Variants in FRMD4A observed in about 807,000 individuals in gnomAD.
FRMD4A encodes the protein FERM domain-containing protein 4A.
A neutral mutation model predicts 129.1 loss-of-function variants in FRMD4A; 29 were observed. The observed-to-expected ratio is 0.22, with a 90% CI of 0.17 to 0.31. The LOEUF is 0.31. Among genes scored for constraint, FRMD4A ranks in the 10% least tolerant of loss-of-function variants. The pLI is 1.00. For missense variants in FRMD4A, 1,272 were observed against 1,375.8 expected, an observed-to-expected ratio of 0.92 and a Z score of 1.19; for synonymous variants, 634 against 571.6, an observed-to-expected ratio of 1.11 and a Z score of -1.56.
At chr10:13,827,042 A>G (rs1216965482) in intron 3 of FRMD4A, among the ~76,000 whole-genome samples, 2 of 152,214 alleles carry the variant, frequency 1.3e-5, no homozygotes, top group Non-Finnish European at 2.9e-5. Context: ...ACGGAATTCA[A>G]AATAGCACAG....
At chr10:14,024,060 T>C (rs1005181656) in intron 2 of FRMD4A, among the ~76,000 whole-genome samples, 3 of 152,250 alleles carry the variant, frequency 2.0e-5, no homozygotes, top group South Asian at 4.1e-4. Flanking sequence ...TGATCTCTTC[T>C]GGCAAATGGT....
chr10:14,100,031 G>A (rs1195524542), intron 2 of FRMD4A, among the ~76,000 whole-genome samples: 1 of 152,196 alleles, frequency 6.6e-6, no homozygotes, highest in Non-Finnish European at 1.5e-5. Context: ...GTACAGCACA[G>A]ATCTCTGGTT....
intron 6 of FRMD4A, among the ~76,000 whole-genome samples, chr10:13,772,073 C>T (rs970331336): frequency 6.7e-6 from 1 of 149,760 alleles, no homozygotes; most frequent in Non-Finnish European, 1.5e-5. Flanking sequence ...GCTGAGATCA[C>T]GTCACCGCAC....
At chr10:13,708,646 T>C (rs546245864) in intron 12 of FRMD4A, among the ~76,000 whole-genome samples, 1 of 152,372 alleles carries the variant, frequency 6.6e-6, no homozygotes, top group South Asian at 2.1e-4. Context: ...CAAAGCTCTA[T>C]GTTGGCTGAC....
At chr10:14,203,399 A>AT (rs1842695104) in intron 2 of FRMD4A, among the ~76,000 whole-genome samples, 1 of 152,190 alleles carries the variant, frequency 6.6e-6, no homozygotes, top group Admixed American at 6.5e-5. Context: ...TGTTTTTGCA[A>AT]TATCACACTC....
intron 2 of FRMD4A, among the ~76,000 whole-genome samples, chr10:14,224,531 C>G (rs892984992): frequency 2.0e-5 from 3 of 152,206 alleles, no homozygotes; most frequent in Non-Finnish European, 4.4e-5. Context: ...ACCAGGGAAG[C>G]ATTTTGGACA....
intron 2 of FRMD4A, among the ~76,000 whole-genome samples, chr10:13,933,577 A>T (rs1210907824): frequency 6.6e-6 from 1 of 152,238 alleles, no homozygotes; most frequent in African/African-American, 2.4e-5. Context: ...TTTGTCCGTG[A>T]CAGGGGTCAC....
intron 13 of FRMD4A, among the ~76,000 whole-genome samples, chr10:13,704,200 C>T (rs1467698663): frequency 1.3e-5 from 2 of 152,296 alleles, no homozygotes; most frequent in South Asian, 2.1e-4. Context: ...CAAGAAAGAT[C>T]TTACAGCTCA....
Position 13,982,048 on chromosome 10 carries a change from G to A in FRMD4A, c.46-123136C>T, listed in dbSNP as rs75489694. Among the ~76,000 whole-genome samples the A allele has an allele frequency of 2.7e-3, 406 of 152,228 alleles. 1 individual carries two copies. The highest frequency in any genetic ancestry group is 4.7e-3 in the Non-Finnish European group (319 of 68,014). ...TCTCTGGCCCCTCATCCTCCCACAG[G>A]CGTAGCCATACAAACTAGAATCCCT... On this transcript the variant is annotated intron_variant, in intron 2 of 24. Transcript: ENST00000357447.
At chr10:14,109,512 C>T (rs1564299618) in intron 2 of FRMD4A, among the ~76,000 whole-genome samples, 1 of 152,166 alleles carries the variant, frequency 6.6e-6, no homozygotes, top group Non-Finnish European at 1.5e-5. Flanking sequence ...TTGCTGTCAT[C>T]CCCTGCACTT....
At chr10:14,239,979 C>T (rs1843983067) in intron 2 of FRMD4A, among the ~76,000 whole-genome samples, 2 of 152,156 alleles carry the variant, frequency 1.3e-5, no homozygotes, top group South Asian at 4.1e-4. Context: ...TCAGAAAGTG[C>T]ATTACATCAT....
chr10:13,651,737 TAAGAACCTTCAGCTAAA>T, intron 24 of FRMD4A, 149 bp downstream of exon 24: 1 of 618,108 alleles, frequency 1.6e-6, no homozygotes. Context: ...AATTTTGATG[TAAGAACCTTCAGCTAAA>T]AACATAGTTC....
chr10:13,674,328 T>C (rs1402490475), intron 16 of FRMD4A, among the ~76,000 whole-genome samples: 1 of 152,122 alleles, frequency 6.6e-6, no homozygotes, highest in African/African-American at 2.4e-5. Context: ...TGAGGCACTA[T>C]CACGTGAGGA....
intron 2 of FRMD4A, among the ~76,000 whole-genome samples, chr10:13,992,741 G>A (rs147416550): frequency 3.1e-4 from 47 of 152,074 alleles, no homozygotes; most frequent in African/African-American, 1.1e-3. Context: ...ATCACCTGAG[G>A]TCAGGAGTTC....
chr10:13,851,213 C>A (rs1381190142), intron 3 of FRMD4A, among the ~76,000 whole-genome samples: 1 of 151,464 alleles, frequency 6.6e-6, no homozygotes, highest in Non-Finnish European at 1.5e-5. Context: ...GACTTCGTCT[C>A]AAAACAAAAC....
At chr10:14,165,795 A>G (rs1479262761) in intron 2 of FRMD4A, among the ~76,000 whole-genome samples, 1 of 152,192 alleles carries the variant, frequency 6.6e-6, no homozygotes, top group Non-Finnish European at 1.5e-5. Context: ...TAAGTGGGAG[A>G]TAAACATTGA....
In FRMD4A at chr10:14,187,792, AAGT is replaced by A; in HGVS notation, c.45+142263_45+142265del. Among the ~76,000 whole-genome samples, 2 of 152,300 alleles carry A rather than the reference AAGT, an allele frequency of 1.3e-5. 1 individual carries two copies. Among genetic ancestry groups the A allele is most frequent in the Middle Eastern group, 6.8e-3 (2 of 294 alleles). ...GTAAAATATTTATTTTGGGGGTTAG[AAGT>A]AGACTTGGGAAATTTGGTTTTCTTT... On this transcript the variant is annotated intron_variant, in intron 2 of 24. Coordinates refer to ENST00000357447, the MANE Select transcript of FRMD4A (RefSeq NM_018027.5).
At chr10:14,001,099 C>A (rs761193514) in intron 2 of FRMD4A, among the ~76,000 whole-genome samples, 43 of 152,136 alleles carry the variant, frequency 2.8e-4, no homozygotes, top group Non-Finnish European at 5.0e-4. Flanking sequence ...TAGCATCTTG[C>A]CCAAATCATC....
chr10:13,836,492 C>A (rs1415423833), intron 3 of FRMD4A, among the ~76,000 whole-genome samples: 2 of 152,094 alleles, frequency 1.3e-5, no homozygotes, highest in East Asian at 3.9e-4. Context: ...GGGGAGGAAA[C>A]AGAGAAACAG....
Sources: allele counts gnomAD v4.1 joint callset (sites outside exome capture counted in the v4.1 genomes callset), GRCh38; gene constraint gnomAD v4.1.1; transcripts MANE v1.5; gene names NCBI Gene and HGNC (gene_info 2026-07-23, HGNC 2026-07-21).